The following NTAN1 variants were observed in gnomAD, a reference collection of about 807,000 sequenced individuals.
NTAN1 encodes protein N-terminal asparagine amidohydrolase.
Under a neutral mutation model 41.9 loss-of-function variants are expected in NTAN1, and 32 were observed. The ratio of observed to expected loss-of-function variants is 0.76; its 90% CI spans 0.58 to 1.03. The LOEUF (loss-of-function observed/expected upper bound fraction) is 1.03, where lower values mean the gene tolerates loss of function less well. Ranked by LOEUF, NTAN1 falls within the 50% of genes least tolerant of loss-of-function variation. The pLI, the probability that NTAN1 is intolerant of heterozygous loss-of-function variation, is 0.00. For missense variants in NTAN1, 377 were observed against 377.5 expected (o/e 1.00, Z 0.01); for synonymous variants, 140 against 139.5 (o/e 1.00, Z -0.03).
At position 15,048,115 on chromosome 16, in the gene NTAN1, AAAAAT is replaced by A. The variant is rs1241950577; in HGVS notation, c.82-21_82-17del. The stretch of plus-strand genomic sequence containing the variant: ...TGGCTCTTTCCTGTTTAATTAAAAA[AAAAAT>A]AAAATAGTGATGTAAATTAGTGAGG... On this transcript the variant is annotated splice_polypyrimidine_tract_variant and intron_variant, in intron 1 of 9. Transcript: ENST00000287706. The A allele has an allele frequency of 6.6e-7, 1 of 1,525,656 alleles. No individual in the cohort carries two copies. The highest frequency in any genetic ancestry group is 9.0e-7 in the Non-Finnish European group (1 of 1,114,918). 94.5% of individuals were successfully genotyped at this position (1,525,656 alleles called of 1,614,324 possible). A position where few individuals can be genotyped will look rare whatever the true frequency, so the allele number is the denominator to read the frequency against.
chr16:15,052,816 CTCTG>C (rs1434969195), intron 1 of NTAN1, among the ~76,000 whole-genome samples: 4 of 151,848 alleles, frequency 2.6e-5, no homozygotes, highest in East Asian at 1.9e-4. Flanking sequence ...CAGAGCAAGG[CTCTG>C]TCTCTCAAAA....
chr16:15,039,954 T>C lies in NTAN1; in HGVS notation c.639+15A>G, dbSNP rs761967017. 4 of 1,477,514 alleles carry C rather than the reference T, an allele frequency of 2.7e-6. No individual in the cohort carries two copies. The highest frequency in any genetic ancestry group is 1.4e-5 in the African/African-American group (1 of 71,494). 91.5% of individuals were successfully genotyped at this position (1,477,514 alleles called of 1,614,324 possible). ...TTTTTTTTTAACCCCTTAACAAAGATGATTTGAAACTCACTGGTCCTCCTG... is the reference window on the plus strand; with the variant it reads ...TTTTTTTTTAACCCCTTAACAAAGACGATTTGAAACTCACTGGTCCTCCTG... On this transcript the variant is annotated intron_variant, in intron 8 of 9. Transcript: ENST00000287706.
chr16:15,050,216 A>T (rs2044242606), intron 1 of NTAN1, among the ~76,000 whole-genome samples: 1 of 152,264 alleles, frequency 6.6e-6, no homozygotes, highest in Non-Finnish European at 1.5e-5. Context: ...TGGTTATTTA[A>T]CAAAAACTTT....
chr16:15,052,238 CTTTA>C (rs1041773852), intron 1 of NTAN1, among the ~76,000 whole-genome samples: 3 of 152,170 alleles, frequency 2.0e-5, no homozygotes, highest in Non-Finnish European at 2.9e-5. Context: ...TCCAATAAAA[CTTTA>C]TTTATAGGTG....
intron 1 of NTAN1, among the ~76,000 whole-genome samples, chr16:15,049,650 T>C (rs938136997): frequency 6.6e-6 from 1 of 152,014 alleles, no homozygotes; most frequent in African/African-American, 2.4e-5. Context: ...GGTATCAAAC[T>C]CCTGGCCTCA....
At position 15,056,054 on chromosome 16, in the gene NTAN1, T is replaced by A; in HGVS notation, c.-83A>T. On this transcript the variant is annotated 5_prime_UTR_variant, in exon 1 of 10. Coordinates refer to ENST00000287706, the MANE Select transcript of NTAN1 (RefSeq NM_173474.4). ...CCGGGCCGCCCGCCGCCCCCGCCCC[T>A]CGGGCCGCGCGTCCCGCCTCGTCCT... 1 of 546,840 alleles carries A rather than the reference T, an allele frequency of 1.8e-6. No individual in the cohort carries two copies. The highest frequency in any genetic ancestry group is 2.4e-6 in the Non-Finnish European group (1 of 415,630). The allele number at this position is 546,840 out of a possible 1,614,324, so 33.9% of individuals were successfully genotyped here.
chr16:15,038,251 A>C (rs2740), intron 9 of NTAN1, 41 bp from the exon 10 acceptor site: 1 of 1,441,178 alleles, frequency 6.9e-7, no homozygotes, highest in Non-Finnish European at 9.7e-7. Flanking sequence ...AGCCAACCTT[A>C]CTGTCCCCTG....
intron 8 of NTAN1, among the ~76,000 whole-genome samples, chr16:15,039,432 T>C (rs897917966): frequency 1.3e-5 from 2 of 152,168 alleles, no homozygotes; most frequent in African/African-American, 4.8e-5. Context: ...CTTTCACCCA[T>C]TCCTCAAATG....
intron 9 of NTAN1, 40 bp from the exon 10 acceptor site, chr16:15,038,250 T>G: frequency 7.0e-7 from 1 of 1,418,954 alleles, no homozygotes; most frequent in Non-Finnish European, 9.9e-7. Context: ...AAGCCAACCT[T>G]ACTGTCCCCT....
chr16:15,041,099 GT>G lies in NTAN1; in HGVS notation c.509del (p.Asn170ThrfsTer7). The G allele has an allele frequency of 1.3e-6, 2 of 1,592,820 alleles. No individual in the cohort carries two copies. Among genetic ancestry groups the G allele is most frequent in the Non-Finnish European group, 1.7e-6 (2 of 1,160,590 alleles). ...CVTELNDREE[N>X]ENHFPVIYGI... The stretch of plus-strand genomic sequence containing the variant: ...CATATATTACTGGAAAGTGGTTTTC[GT>G]TTTCTTCCCGGTCATTTAATTCTAC... On this transcript the variant is annotated frameshift_variant, in exon 7 of 10. Coordinates refer to ENST00000287706, the MANE Select transcript of NTAN1 (RefSeq NM_173474.4). LOFTEE classifies it high-confidence loss of function.
At chr16:15,038,347 G>T in intron 9 of NTAN1, 137 bp from the exon 10 acceptor site, 1 of 631,968 alleles carries the variant, frequency 1.6e-6, no homozygotes, top group Non-Finnish European at 2.6e-6. Context: ...GCCTGAATTA[G>T]TAAGAAAAAA....
intron 4 of NTAN1, chr16:15,047,127 T>G (rs1191002244): frequency 2.6e-6 from 1 of 381,314 alleles, no homozygotes; most frequent in Non-Finnish European, 4.8e-6. Flanking sequence ...AATGACTGCA[T>G]GGAGAGCTAC....
chr16:15,047,003 G>A lies in NTAN1; in HGVS notation c.359+439C>T, dbSNP rs140840687. Among the ~76,000 whole-genome samples, 1,164 of 152,106 alleles carry A rather than the reference G, an allele frequency of 7.7e-3. 5 individuals carry two copies. The highest frequency in any genetic ancestry group is 0.034 in the Middle Eastern group (10 of 292). On this transcript the variant is annotated intron_variant, in intron 4 of 9. Transcript: ENST00000287706. ...CACCCCATCTTGTGTACAGTCTCTC[G>A]GCTTCGGAATACAAACACCTTGGGC...
intron 5 of NTAN1, 108 bp downstream of exon 5, chr16:15,044,226 G>A: frequency 1.4e-6 from 1 of 715,998 alleles, no homozygotes; most frequent in Non-Finnish European, 2.5e-6. Context: ...GCTGCTCCAA[G>A]TGGGTGTGCC....
Position 15,038,000 on chromosome 16 carries a change from A to G in NTAN1, c.*31T>C, listed in dbSNP as rs777791568. The G allele has an allele frequency of 1.9e-6, 3 of 1,574,484 alleles. No individual in the cohort carries two copies. Among genetic ancestry groups the G allele is most frequent in the Non-Finnish European group, 1.7e-6 (2 of 1,149,482 alleles). ...GCCCCACCAATGGTCTGTCAGGCCA[A>G]GAAGGTGCTTTCTTTGGTAATTCAT... On this transcript the variant is annotated 3_prime_UTR_variant, in exon 10 of 10. Transcript: ENST00000287706.
At chr16:15,051,934 G>A (rs2044308773) in intron 1 of NTAN1, among the ~76,000 whole-genome samples, 1 of 151,572 alleles carries the variant, frequency 6.6e-6, no homozygotes. Flanking sequence ...AAACCACACA[G>A]TCCTACTTTA....
chr16:15,048,327 G>A (rs2044160732), intron 1 of NTAN1, among the ~76,000 whole-genome samples: 1 of 152,272 alleles, frequency 6.6e-6, no homozygotes, highest in East Asian at 1.9e-4. Flanking sequence ...CTATGAAATC[G>A]GATGTCATAG....
intron 5 of NTAN1, among the ~76,000 whole-genome samples, chr16:15,041,948 G>A (rs993421310): frequency 1.3e-5 from 2 of 152,198 alleles, no homozygotes; most frequent in African/African-American, 4.8e-5. Context: ...CATTCTGAGA[G>A]TTTTGCGGGG....
chr16:15,039,880 A>G, intron 8 of NTAN1, 89 bp downstream of exon 8: 4 of 740,184 alleles, frequency 5.4e-6, no homozygotes, highest in Non-Finnish European at 9.4e-6. Flanking sequence ...CTGACAGCAT[A>G]AACTTTTCTA....
Sources: gnomAD v4.1 joint callset for allele counts (sites outside exome capture counted in the v4.1 genomes callset) on GRCh38, gnomAD v4.1.1 for gene constraint, MANE v1.5 for transcripts, NCBI Gene and HGNC (gene_info 2026-07-23, HGNC 2026-07-21) for gene names.